Variants in ZDHHC2 observed in about 807,000 individuals in gnomAD.
ZDHHC2 encodes the protein zDHHC palmitoyltransferase 2.
ZDHHC2 carries 51 observed loss-of-function variants against 55.6 expected under a neutral mutation model. That is an observed-to-expected ratio of 0.92 (90% confidence interval 0.73 to 1.16). The LOEUF (loss-of-function observed/expected upper bound fraction) is 1.16, where lower values mean the gene tolerates loss of function less well. Among genes scored for constraint, ZDHHC2 ranks in the 50% most tolerant of loss-of-function variants. The pLI is 0.00. For synonymous variants in ZDHHC2, 199 were observed against 152.9 expected, an observed-to-expected ratio of 1.30 and a Z score of -2.22; for missense variants, 491 against 442.4, an observed-to-expected ratio of 1.11 and a Z score of -0.99.
chr8:17,207,761 A>G (rs12545675), intron 7 of ZDHHC2, among the ~76,000 whole-genome samples, 199 bp from the exon 8 acceptor site: 38,243 of 151,892 alleles, frequency 0.25, 6,303 homozygotes, highest in East Asian at 0.62. Context: ...ATTTTCATAT[A>G]TATTCATATT....
chr8:17,215,150 T>C (rs1807589042), intron 10 of ZDHHC2, 87 bp from the exon 11 acceptor site: 2 of 1,217,016 alleles, frequency 1.6e-6, no homozygotes, highest in Non-Finnish European at 1.2e-6. Flanking sequence ...TTGCAAGTGG[T>C]TTTGGTTCCA....
At chr8:17,159,015 G>A (rs1263301130) in intron 1 of ZDHHC2, among the ~76,000 whole-genome samples, 1 of 152,256 alleles carries the variant, frequency 6.6e-6, no homozygotes. Context: ...GGAAGAACAA[G>A]TTGAAGCTGA....
chr8:17,209,856 C>T, intron 8 of ZDHHC2, 76 bp from the exon 9 acceptor site: 2 of 1,447,004 alleles, frequency 1.4e-6, no homozygotes, highest in Non-Finnish European at 1.8e-6. Context: ...TCATTTACTT[C>T]AATTATTGAT....
At chr8:17,172,038 CG>C (rs1563142869) in intron 1 of ZDHHC2, among the ~76,000 whole-genome samples, 1 of 151,910 alleles carries the variant, frequency 6.6e-6, no homozygotes, top group Non-Finnish European at 1.5e-5. Flanking sequence ...GAACTATATC[CG>C]CAGTTCCCAG....
rs1554465961 is a variant in ZDHHC2, at chr8:17,199,497, T to TCTTCGTCTTCGTCTTCGTCTTCG, written c.476+1084_476+1085insCTTCGTCTTCGTCTTCGTCTTCG. On this transcript the variant is annotated intron_variant, in intron 6 of 12. Coordinates refer to ENST00000262096, the MANE Select transcript of ZDHHC2 (RefSeq NM_016353.5). ...CTTCTTCTTCTTCTTCTTCTTCTTC[T>TCTTCGTCTTCGTCTTCGTCTTCG]TCTTCTTCTTCTTCTTCGTCTTCGT... Among the ~76,000 whole-genome samples, 182 of 52,640 alleles carry TCTTCGTCTTCGTCTTCGTCTTCG rather than the reference T, an allele frequency of 3.5e-3. 1 individual carries two copies. The highest frequency in any genetic ancestry group is 0.011 in the African/African-American group (172 of 15,092). The allele number at this position is 52,640 out of a possible 152,430, so 34.5% of individuals were successfully genotyped here. A position where few individuals can be genotyped will look rare whatever the true frequency, so the allele number is the denominator to read the frequency against.
intron 6 of ZDHHC2, among the ~76,000 whole-genome samples, chr8:17,199,681 T>C (rs1195530580): frequency 1.3e-5 from 2 of 149,450 alleles, no homozygotes; most frequent in Non-Finnish European, 3.0e-5. Context: ...CTTCTTCTTC[T>C]TCTTTTCTTC....
In ZDHHC2 at chr8:17,195,767, T is replaced by G; in HGVS notation, c.373+143T>G. ...ATTTCTTGGATTGCTGTTAAATCTT[T>G]CCTGTGTGATTCCATAAAACAGAAT... On this transcript the variant is annotated intron_variant, in intron 4 of 12. Coordinates refer to ENST00000262096, the MANE Select transcript of ZDHHC2 (RefSeq NM_016353.5). 8 of 1,148,674 alleles carry G rather than the reference T, an allele frequency of 7.0e-6. No individual in the cohort carries two copies. The South Asian group carries it at 1.1e-4, about 15-fold the overall frequency. The allele number at this position is 1,148,674 out of a possible 1,614,324, so 71.2% of individuals were successfully genotyped here.
chr8:17,219,931 T>G (rs1365236005), intron 12 of ZDHHC2, among the ~76,000 whole-genome samples: 1 of 152,152 alleles, frequency 6.6e-6, no homozygotes, highest in Non-Finnish European at 1.5e-5. Flanking sequence ...ACCCTGCCAC[T>G]CACATTGAAG....
intron 12 of ZDHHC2, among the ~76,000 whole-genome samples, chr8:17,217,639 T>G (rs1196641229): frequency 6.6e-6 from 1 of 152,172 alleles, no homozygotes; most frequent in African/African-American, 2.4e-5. Context: ...GACCATCCAT[T>G]AGGAAACTCT....
chr8:17,173,681 T>TA (rs58195776), intron 1 of ZDHHC2, among the ~76,000 whole-genome samples: 81,939 of 143,230 alleles, frequency 0.57, 27,639 homozygotes, highest in Non-Finnish European at 0.76. Flanking sequence ...GACCCTGTCT[T>TA]AAAAAAAAAA....
chr8:17,184,266 G>A (rs964212342), intron 1 of ZDHHC2, among the ~76,000 whole-genome samples: 1 of 152,164 alleles, frequency 6.6e-6, no homozygotes, highest in Non-Finnish European at 1.5e-5. Context: ...AGCACTGCCT[G>A]GCCTTTCGTT....
intron 3 of ZDHHC2, among the ~76,000 whole-genome samples, chr8:17,189,463 C>T (rs1041640131): frequency 2.0e-5 from 3 of 152,170 alleles, no homozygotes; most frequent in African/African-American, 7.2e-5. Context: ...GCTTCATCAC[C>T]AGTGCCTAAA....
At chr8:17,164,971 T>G (rs911610030) in intron 1 of ZDHHC2, among the ~76,000 whole-genome samples, 64 of 152,166 alleles carry the variant, frequency 4.2e-4, no homozygotes, top group African/African-American at 1.5e-3. Flanking sequence ...ATCCCATGAG[T>G]CCTCTCAAAG....
intron 7 of ZDHHC2, 50 bp from the exon 8 acceptor site, chr8:17,207,910 G>C (rs769432839): frequency 7.6e-7 from 1 of 1,311,616 alleles, no homozygotes; most frequent in African/African-American, 1.5e-5. Context: ...AAAAGTAGGG[G>C]AATACATATC....
At position 17,191,123 on chromosome 8, in the gene ZDHHC2, G is replaced by A. The variant is rs549631224; in HGVS notation, c.253-4381G>A. Among the ~76,000 whole-genome samples, 270 of 151,730 alleles carry A rather than the reference G, an allele frequency of 1.8e-3. 3 individuals are homozygous for A. The highest frequency in any genetic ancestry group is 3.4e-3 in the Middle Eastern group (1 of 294). The stretch of plus-strand genomic sequence containing the variant: ...ATTACAAGTGCCTGCCACCACGCCC[G>A]GCTATTTTTTGTGGTTTTAGTAGAG... On this transcript the variant is annotated intron_variant, in intron 3 of 12. Transcript: ENST00000262096.
At position 17,193,726 on chromosome 8, in the gene ZDHHC2, C is replaced by G. The variant is rs570984312; in HGVS notation, c.253-1778C>G. On this transcript the variant is annotated intron_variant, in intron 3 of 12. Coordinates refer to ENST00000262096, the MANE Select transcript of ZDHHC2 (RefSeq NM_016353.5). ...AGTGTTTTTTGGTATTCAGAGTGTA[C>G]CTGTTCCCATTTTTTAAATGTAATA... Among the ~76,000 whole-genome samples, 57 of 152,322 alleles carry G rather than the reference C, an allele frequency of 3.7e-4. No individual in the cohort carries two copies. In the Middle Eastern group the frequency reaches 0.02, roughly 55 times the overall value.
At chr8:17,212,111 G>T (rs753382128) in intron 10 of ZDHHC2, among the ~76,000 whole-genome samples, 1 of 152,018 alleles carries the variant, frequency 6.6e-6, no homozygotes, top group Non-Finnish European at 1.5e-5. Context: ...AATCTTTTGA[G>T]GCCTCTGTTT....
At chr8:17,202,703 T>A (rs568783729) in intron 6 of ZDHHC2, among the ~76,000 whole-genome samples, 18 of 147,112 alleles carry the variant, frequency 1.2e-4, no homozygotes, top group Non-Finnish European at 2.5e-4. Flanking sequence ...AAAATAAATG[T>A]CACTATATTT....
intron 4 of ZDHHC2, 23 bp downstream of exon 4, chr8:17,195,647 T>C (rs752969794): frequency 1.2e-6 from 2 of 1,613,062 alleles, no homozygotes; most frequent in Admixed American, 1.7e-5. Flanking sequence ...AATGAGTGCT[T>C]TGCAATGGTA....
Sources: allele counts gnomAD v4.1 joint callset (sites outside exome capture counted in the v4.1 genomes callset), GRCh38; gene constraint gnomAD v4.1.1; transcripts MANE v1.5; gene names NCBI Gene and HGNC (gene_info 2026-07-23, HGNC 2026-07-21).